Variants in PDZRN3 observed in about 807,000 individuals in gnomAD.
The protein encoded by PDZRN3 is E3 ubiquitin-protein ligase PDZRN3.
PDZRN3 carries 38 observed loss-of-function variants against 85.7 expected under a neutral mutation model. That is an observed-to-expected ratio of 0.44 (90% CI 0.34 to 0.58). PDZRN3 has a LOEUF of 0.58. PDZRN3 is among the 20% of genes least tolerant of loss of function. PDZRN3 has a pLI of 0.01. For synonymous variants in PDZRN3, 759 were observed against 638.0 expected, an observed-to-expected ratio of 1.19 and a Z score of -2.86; for missense variants, 1,629 against 1,506.4, an observed-to-expected ratio of 1.08 and a Z score of -1.35.
At chr3:73,466,322 G>GAA (rs62777060) in intron 3 of PDZRN3, among the ~76,000 whole-genome samples, 1 of 129,150 alleles carries the variant, frequency 7.7e-6, no homozygotes, top group Non-Finnish European at 1.6e-5. Flanking sequence ...AAGAGTGATA[G>GAA]AAAAAAAAAA....
intron 3 of PDZRN3, among the ~76,000 whole-genome samples, chr3:73,523,785 A>G (rs917349771): frequency 5.9e-5 from 9 of 152,180 alleles, no homozygotes; most frequent in African/African-American, 1.9e-4. Flanking sequence ...CCCATTGCTC[A>G]GATGTCCTTG....
chr3:73,597,395 C>T (rs1342934440), intron 3 of PDZRN3, among the ~76,000 whole-genome samples: 1 of 152,122 alleles, frequency 6.6e-6, no homozygotes, highest in African/African-American at 2.4e-5. Flanking sequence ...ATCATATCCT[C>T]GGGTCTTCAA....
rs377655765 is a variant in PDZRN3, at chr3:73,384,150, T to G, written c.2416A>C (p.Lys806Gln). The change falls in exon 10 of 10, where the codon AAG becomes CAG. Residue 806 changes from lysine (K) to glutamine (Q), a missense_variant. Lys to Gln is a moderately conservative substitution (Grantham distance 53). Transcript: ENST00000263666. ...TCTTCCGTGATGGAGAGCAGATTCT[T>G]GGAGGCTGGCCCGTAGGCTTCCGTG... is the stretch of plus-strand genomic sequence containing the variant. Reference protein sequence around the residue: ...GTTEAYGPASKNLLSITEDPE... With the variant: ...GTTEAYGPASQNLLSITEDPE... 2 of 1,613,988 alleles carry G rather than the reference T, an allele frequency of 1.2e-6. No individual in the cohort carries two copies. Among genetic ancestry groups the G allele is most frequent in the African/African-American group, 2.7e-5 (2 of 74,940 alleles).
chr3:73,546,345 C>A (rs1214771865), intron 3 of PDZRN3, among the ~76,000 whole-genome samples: 1 of 152,168 alleles, frequency 6.6e-6, no homozygotes, highest in Non-Finnish European at 1.5e-5. Context: ...ACAATCTCAC[C>A]ACCACATTGC....
chr3:73,501,575 TA>T (rs1454271302), intron 3 of PDZRN3, among the ~76,000 whole-genome samples: 1 of 152,126 alleles, frequency 6.6e-6, no homozygotes, highest in Non-Finnish European at 1.5e-5. Flanking sequence ...GCCTACTATG[TA>T]AAAAGCATAA....
intron 3 of PDZRN3, among the ~76,000 whole-genome samples, chr3:73,423,761 T>C (rs1275345713): frequency 6.6e-6 from 1 of 152,232 alleles, no homozygotes; most frequent in Non-Finnish European, 1.5e-5. Flanking sequence ...CCCTTATTAG[T>C]ATTTCTGATT....
chr3:73,592,474 G>A (rs906841196), intron 3 of PDZRN3, among the ~76,000 whole-genome samples: 1 of 152,118 alleles, frequency 6.6e-6, no homozygotes, highest in Admixed American at 6.5e-5. Flanking sequence ...AGGAAAGAAG[G>A]AAGCAATGAA....
intron 3 of PDZRN3, among the ~76,000 whole-genome samples, chr3:73,585,442 C>A (rs1702263707): frequency 6.6e-6 from 1 of 152,156 alleles, no homozygotes; most frequent in Non-Finnish European, 1.5e-5. Context: ...CTACAATAGG[C>A]TTTAAACATC....
At chr3:73,559,041 C>T (rs893095313) in intron 3 of PDZRN3, among the ~76,000 whole-genome samples, 16 of 152,208 alleles carry the variant, frequency 1.1e-4, no homozygotes, top group African/African-American at 3.9e-4. Context: ...AGTGTTGAGA[C>T]ACAGTTCCTA....
chr3:73,409,932 A>G (rs1321837415), intron 3 of PDZRN3, among the ~76,000 whole-genome samples: 1 of 152,204 alleles, frequency 6.6e-6, no homozygotes, highest in Non-Finnish European at 1.5e-5. Context: ...CTCTATTTCT[A>G]TTACATGTGC....
intron 8 of PDZRN3, among the ~76,000 whole-genome samples, chr3:73,386,874 G>A (rs1261790057): frequency 2.0e-5 from 3 of 150,456 alleles, no homozygotes; most frequent in Non-Finnish European, 4.4e-5. Context: ...TTTTTCAATC[G>A]GGTTTCATAC....
In PDZRN3 at chr3:73,383,385, G is replaced by A; in HGVS notation, c.3181C>T (p.Leu1061=). ...GAAAATTATACAGTAGTCACCGATA[G>A]GAAGGAATTGTATACTCTAGTGCCG... ...PDGTRVYNSF[L]SVTTV The change falls in exon 10 of 10, where the codon CTA becomes TTA. Residue 1061 remains leucine, a synonymous_variant. Transcript: ENST00000263666. 6.2e-7 allele frequency: 1 copy of A among 1,611,450 alleles called. No individual in the cohort carries two copies. The highest frequency in any genetic ancestry group is 8.5e-7 in the Non-Finnish European group (1 of 1,178,594).
intron 3 of PDZRN3, among the ~76,000 whole-genome samples, chr3:73,413,610 G>A (rs1702015863): frequency 6.6e-6 from 1 of 152,074 alleles, no homozygotes; most frequent in African/African-American, 2.4e-5. Flanking sequence ...GCTTCGAAAT[G>A]CGTGTTCTAA....
At chr3:73,410,474 G>A (rs1204742792) in intron 3 of PDZRN3, among the ~76,000 whole-genome samples, 3 of 152,076 alleles carry the variant, frequency 2.0e-5, no homozygotes, top group African/African-American at 7.2e-5. Flanking sequence ...GTTTGTCCAT[G>A]GTATTTTCTA....
chr3:73,505,226 T>C (rs1180075995), intron 3 of PDZRN3, among the ~76,000 whole-genome samples: 1 of 152,240 alleles, frequency 6.6e-6, no homozygotes, highest in African/African-American at 2.4e-5. Flanking sequence ...TACCCACGAA[T>C]AATCATTTGG....
intron 3 of PDZRN3, among the ~76,000 whole-genome samples, chr3:73,588,072 A>G (rs1291030625): frequency 6.6e-6 from 1 of 152,082 alleles, no homozygotes; most frequent in African/African-American, 2.4e-5. Context: ...CTGTCCTCTA[A>G]GTTCCCTCCC....
At chr3:73,433,700 C>T in intron 3 of PDZRN3, 1 of 1,536,098 alleles carries the variant, frequency 6.5e-7, no homozygotes, top group Non-Finnish European at 8.7e-7. Context: ...GCACAGACTG[C>T]ATCCCATGTT....
intron 1 of PDZRN3, among the ~76,000 whole-genome samples, chr3:73,621,068 A>G (rs772580367): frequency 6.6e-6 from 1 of 152,238 alleles, no homozygotes; most frequent in Non-Finnish European, 1.5e-5. Context: ...TTGGAAATGC[A>G]GAATATCAGG....
At chr3:73,395,585 C>G (rs1701619156) in intron 5 of PDZRN3, among the ~76,000 whole-genome samples, 1 of 152,200 alleles carries the variant, frequency 6.6e-6, no homozygotes, top group Non-Finnish European at 1.5e-5. Context: ...ATCTCAAAGA[C>G]TAATTTCAAT....
Sources: gnomAD v4.1 joint callset for allele counts (sites outside exome capture counted in the v4.1 genomes callset) on GRCh38, gnomAD v4.1.1 for gene constraint, MANE v1.5 for transcripts, NCBI Gene and HGNC (gene_info 2026-07-23, HGNC 2026-07-21) for gene names.